The following CCDC85A variants were observed in gnomAD, a reference collection of about 807,000 sequenced individuals.
CCDC85A encodes the protein coiled-coil domain-containing protein 85A.
In CCDC85A, 38 loss-of-function variants were observed where a neutral mutation model predicts 50.2. That is an observed-to-expected ratio of 0.76 (90% CI 0.58 to 0.99). The LOEUF (loss-of-function observed/expected upper bound fraction) is 0.99. CCDC85A is among the 50% of genes least tolerant of loss of function. The probability of loss-of-function intolerance (pLI) is 0.00; values close to 1 mark genes in which losing one functional copy is unlikely to be tolerated. For synonymous variants in CCDC85A, 366 were observed against 301.4 expected, an observed-to-expected ratio of 1.21 and a Z score of -2.22; for missense variants, 820 against 742.0, an observed-to-expected ratio of 1.11 and a Z score of -1.22.
Position 56,184,730 on chromosome 2 carries a change from C to A in CCDC85A, c.106C>A (p.Leu36Met). ...SAAPPAPVEDLSKVSDEELLQ... is the reference protein window; with the variant it reads ...SAAPPAPVEDMSKVSDEELLQ... Reference sequence around the variant, plus strand: ...GGCCCCGCCCGCGCCGGTGGAGGACCTGTCCAAAGTGTCGGACGAGGAGCT... The same window carrying A: ...GGCCCCGCCCGCGCCGGTGGAGGACATGTCCAAAGTGTCGGACGAGGAGCT... Residue 36 changes from leucine to methionine, a missense_variant, in exon 1 of 6, where the codon CTG becomes ATG. Coordinates refer to ENST00000407595, the MANE Select transcript of CCDC85A (RefSeq NM_001080433.2). 1 of 1,540,002 alleles carries A rather than the reference C, an allele frequency of 6.5e-7. No individual in the cohort carries two copies. The highest frequency in any genetic ancestry group is 8.7e-7 in the Non-Finnish European group (1 of 1,144,524).
chr2:56,273,826 T>C (rs902412617), intron 2 of CCDC85A, among the ~76,000 whole-genome samples: 1 of 151,996 alleles, frequency 6.6e-6, no homozygotes, highest in Non-Finnish European at 1.5e-5. Context: ...AAATGGAGTT[T>C]ATAGAATATC....
At chr2:56,206,677 A>G (rs1676974124) in intron 2 of CCDC85A, among the ~76,000 whole-genome samples, 2 of 152,300 alleles carry the variant, frequency 1.3e-5, no homozygotes, top group South Asian at 2.1e-4. Context: ...ATTAGGCCTC[A>G]TCTCCCAACA....
intron 3 of CCDC85A, among the ~76,000 whole-genome samples, chr2:56,358,715 A>C (rs955931319): frequency 1.3e-5 from 2 of 152,128 alleles, no homozygotes; most frequent in Middle Eastern, 3.2e-3. Context: ...TAGTTTGCTG[A>C]TCCCTGCTTT....
chr2:56,382,512 C>T (rs1195885395), intron 5 of CCDC85A, among the ~76,000 whole-genome samples: 1 of 151,874 alleles, frequency 6.6e-6, no homozygotes, highest in South Asian at 2.1e-4. Context: ...GTAAATCTGC[C>T]TTTTTGTAGT....
chr2:56,286,900 GT>G (rs1671471122), intron 2 of CCDC85A, among the ~76,000 whole-genome samples: 1 of 152,164 alleles, frequency 6.6e-6, no homozygotes, highest in African/African-American at 2.4e-5. Context: ...TCTTGATCCT[GT>G]TGGACTTGGT....
intron 1 of CCDC85A, among the ~76,000 whole-genome samples, chr2:56,188,598 T>C (rs1031015982): frequency 6.6e-6 from 1 of 152,264 alleles, no homozygotes; most frequent in Non-Finnish European, 1.5e-5. Flanking sequence ...AACTAAATGT[T>C]GAATAATTTT....
intron 4 of CCDC85A, among the ~76,000 whole-genome samples, chr2:56,375,451 T>C (rs917126049): frequency 2.6e-5 from 4 of 152,218 alleles, no homozygotes; most frequent in African/African-American, 9.6e-5. Context: ...ATATGGAATA[T>C]GGCATTTGGC....
chr2:56,247,993 G>T (rs1669585407), intron 2 of CCDC85A, among the ~76,000 whole-genome samples: 1 of 152,200 alleles, frequency 6.6e-6, no homozygotes, highest in Admixed American at 6.5e-5. Flanking sequence ...AGGGAGACTT[G>T]TCAGGGGCCC....
At chr2:56,302,536 A>T (rs1156585352) in intron 2 of CCDC85A, among the ~76,000 whole-genome samples, 2 of 152,202 alleles carry the variant, frequency 1.3e-5, no homozygotes, top group Non-Finnish European at 2.9e-5. Context: ...TTGGAACAGA[A>T]AAATGAACCC....
intron 2 of CCDC85A, among the ~76,000 whole-genome samples, chr2:56,284,793 T>A (rs1417746577): frequency 6.6e-6 from 1 of 152,226 alleles, no homozygotes; most frequent in Non-Finnish European, 1.5e-5. Context: ...TATTTATAAC[T>A]GATAAGTATT....
At chr2:56,365,814 T>G (rs1226585434) in intron 3 of CCDC85A, among the ~76,000 whole-genome samples, 1 of 152,176 alleles carries the variant, frequency 6.6e-6, no homozygotes. Flanking sequence ...ATGCAATAAA[T>G]TATTGACTAT....
chr2:56,316,919 T>C (rs1672946874), intron 2 of CCDC85A, among the ~76,000 whole-genome samples: 1 of 152,292 alleles, frequency 6.6e-6, no homozygotes, highest in African/African-American at 2.4e-5. Flanking sequence ...AAAATGTCTT[T>C]TTCTTTTTGT....
chr2:56,198,908 A>G (rs905537456), intron 2 of CCDC85A, among the ~76,000 whole-genome samples: 3 of 152,214 alleles, frequency 2.0e-5, no homozygotes, highest in African/African-American at 7.2e-5. Flanking sequence ...CTAATGTTCA[A>G]ATGTGTCTGG....
chr2:56,283,093 A>C (rs1056626976), intron 2 of CCDC85A, among the ~76,000 whole-genome samples: 10 of 152,118 alleles, frequency 6.6e-5, no homozygotes, highest in Non-Finnish European at 1.5e-4. Context: ...ATGTATCTGC[A>C]AATAAAGACA....
At chr2:56,325,479 A>T (rs896380595) in intron 2 of CCDC85A, among the ~76,000 whole-genome samples, 3 of 152,116 alleles carry the variant, frequency 2.0e-5, no homozygotes, top group African/African-American at 7.2e-5. Context: ...AATGTCTGTG[A>T]TGACTTCTGT....
intron 2 of CCDC85A, among the ~76,000 whole-genome samples, chr2:56,328,009 C>T (rs907038144): frequency 2.0e-5 from 3 of 151,904 alleles, no homozygotes; most frequent in Non-Finnish European, 2.9e-5. Flanking sequence ...CTGCTTTATC[C>T]GATGAGGAAA....
In CCDC85A at chr2:56,375,857, T is replaced by C; in HGVS notation, c.1494T>C (p.Ser498=). 6.2e-7 allele frequency: 1 copy of C among 1,613,812 alleles called. No individual in the cohort carries two copies. The highest frequency in any genetic ancestry group is 1.1e-5 in the South Asian group (1 of 91,068). The part of the protein sequence containing the change: ...RLSSGADGSN[S]SPNSAASFSG... The stretch of plus-strand genomic sequence containing the variant: ...CATCAGGGGCTGATGGGAGTAACAG[T>C]TCACCCAACTCTGCAGCTAGCTTCA... The change falls in exon 5 of 6, where the codon AGT becomes AGC. Residue 498 remains serine (S), a synonymous_variant. Transcript: ENST00000407595.
chr2:56,371,301 C>G (rs754994186), intron 3 of CCDC85A, among the ~76,000 whole-genome samples: 25 of 151,996 alleles, frequency 1.6e-4, no homozygotes, highest in Non-Finnish European at 3.2e-4. Context: ...CACTTAAGAC[C>G]ATGGTGCATT....
At chr2:56,353,511 G>A (rs1675062172) in intron 3 of CCDC85A, among the ~76,000 whole-genome samples, 1 of 152,184 alleles carries the variant, frequency 6.6e-6, no homozygotes, top group Non-Finnish European at 1.5e-5. Context: ...AAAAGCTTGG[G>A]CTCATGCCTT....
Sources: allele counts gnomAD v4.1 joint callset (sites outside exome capture counted in the v4.1 genomes callset), GRCh38; gene constraint gnomAD v4.1.1; transcripts MANE v1.5; gene names NCBI Gene and HGNC (gene_info 2026-07-23, HGNC 2026-07-21).